The following PXDNL variants were observed in gnomAD, a reference collection of about 807,000 sequenced individuals.
PXDNL encodes peroxidasin like.
A neutral mutation model predicts 150.8 loss-of-function variants in PXDNL; 145 were observed. The observed-to-expected ratio is 0.96, with a 90% CI of 0.84 to 1.10. The LOEUF (loss-of-function observed/expected upper bound fraction) is 1.10. Among genes scored for constraint, PXDNL ranks in the 50% least tolerant of loss-of-function variants. The probability of loss-of-function intolerance (pLI) is 0.00; values close to 1 mark genes in which losing one functional copy is unlikely to be tolerated. For missense variants in PXDNL, 2,087 were observed against 1,873.9 expected (o/e 1.11, Z -2.10); for synonymous variants, 757 against 725.7 (o/e 1.04, Z -0.69).
chr8:51,640,631 G>T (rs1814727031), intron 2 of PXDNL, among the ~76,000 whole-genome samples: 2 of 152,094 alleles, frequency 1.3e-5, no homozygotes, highest in African/African-American at 4.8e-5. Context: ...AAAATACCTA[G>T]GAATCCACCT....
intron 12 of PXDNL, among the ~76,000 whole-genome samples, chr8:51,432,474 T>C (rs183093742): frequency 2.0e-5 from 3 of 152,364 alleles, no homozygotes; most frequent in African/African-American, 7.2e-5. Flanking sequence ...ATTGCATTGA[T>C]CTATAAATCA....
chr8:51,791,021 G>T (rs942951583), intron 1 of PXDNL, among the ~76,000 whole-genome samples: 1 of 151,888 alleles, frequency 6.6e-6, no homozygotes, highest in Non-Finnish European at 1.5e-5. Context: ...GCTAACATTC[G>T]AATAGTTCCT....
At chr8:51,404,115 G>A (rs1017546363) in intron 17 of PXDNL, among the ~76,000 whole-genome samples, 2 of 152,214 alleles carry the variant, frequency 1.3e-5, no homozygotes, top group African/African-American at 4.8e-5. Context: ...CCTCAGGAAT[G>A]AAGCTGCATA....
At chr8:51,506,692 T>C (rs1165073522) in intron 4 of PXDNL, among the ~76,000 whole-genome samples, 1 of 152,162 alleles carries the variant, frequency 6.6e-6, no homozygotes, top group African/African-American at 2.4e-5. Context: ...TAGCTATAAA[T>C]GTTCCATGTA....
At chr8:51,792,221 C>A (rs908430313) in intron 1 of PXDNL, among the ~76,000 whole-genome samples, 6 of 151,932 alleles carry the variant, frequency 3.9e-5, no homozygotes, top group African/African-American at 1.5e-4. Flanking sequence ...TGCACCACAA[C>A]TGAGGTATCG....
intron 12 of PXDNL, among the ~76,000 whole-genome samples, chr8:51,434,953 T>A (rs1809355275): frequency 2.0e-5 from 3 of 152,198 alleles, no homozygotes; most frequent in Non-Finnish European, 4.4e-5. Flanking sequence ...ACAATTAATA[T>A]ATCAATGTCA....
chr8:51,617,957 C>A (rs1585624671), intron 2 of PXDNL, among the ~76,000 whole-genome samples: 1 of 152,376 alleles, frequency 6.6e-6, no homozygotes, highest in East Asian at 1.9e-4. Flanking sequence ...TCTTCCGTGA[C>A]AGCCTTGCTC....
chr8:51,620,151 T>C (rs1244178319), intron 2 of PXDNL, among the ~76,000 whole-genome samples: 2 of 152,174 alleles, frequency 1.3e-5, no homozygotes, highest in Admixed American at 1.3e-4. Flanking sequence ...AAATATAGTT[T>C]TGAACAAAAT....
intron 14 of PXDNL, among the ~76,000 whole-genome samples, chr8:51,419,004 G>A (rs983085441): frequency 1.3e-5 from 2 of 152,182 alleles, no homozygotes; most frequent in African/African-American, 4.8e-5. Flanking sequence ...AAGATAAATC[G>A]TGAGGGCTCA....
At chr8:51,405,002 G>A (rs1362320800) in intron 17 of PXDNL, among the ~76,000 whole-genome samples, 2 of 152,170 alleles carry the variant, frequency 1.3e-5, no homozygotes, top group African/African-American at 2.4e-5. Context: ...GGGAGAATTC[G>A]AGCTCAGCAC....
chr8:51,662,805 A>C (rs1479545138), intron 1 of PXDNL, among the ~76,000 whole-genome samples: 2 of 152,222 alleles, frequency 1.3e-5, no homozygotes, highest in Non-Finnish European at 2.9e-5. Context: ...GAGCGCTGTC[A>C]GGCACTCATG....
chr8:51,557,834 A>G (rs970123031), intron 3 of PXDNL, among the ~76,000 whole-genome samples: 1 of 152,124 alleles, frequency 6.6e-6, no homozygotes, highest in African/African-American at 2.4e-5. Flanking sequence ...TAAAGAAGGG[A>G]CTGATTTTCT....
chr8:51,704,870 TCATTAGTCTGATGTATGTAATATATATA>T (rs1316679054), intron 1 of PXDNL, among the ~76,000 whole-genome samples: 1 of 152,192 alleles, frequency 6.6e-6, no homozygotes, highest in Non-Finnish European at 1.5e-5. Context: ...TAGATCTTAA[TCATTAGTCTGATGTATGTAATATATATA>T]CATTTTCTTT....
At chr8:51,462,416 T>C (rs561015385) in intron 8 of PXDNL, among the ~76,000 whole-genome samples, 3 of 152,144 alleles carry the variant, frequency 2.0e-5, no homozygotes, top group Admixed American at 6.5e-5. Context: ...AATGACTCAA[T>C]AGTTGAAAGA....
chr8:51,560,086 C>T (rs931406614), intron 3 of PXDNL, among the ~76,000 whole-genome samples: 2 of 151,754 alleles, frequency 1.3e-5, no homozygotes, highest in African/African-American at 2.4e-5. Flanking sequence ...TAATAAGCTA[C>T]CTAGGAATAA....
chr8:51,601,142 A>G (rs988177558), intron 2 of PXDNL, among the ~76,000 whole-genome samples: 4 of 151,618 alleles, frequency 2.6e-5, no homozygotes, highest in African/African-American at 9.7e-5. Context: ...ATGGCCAAGC[A>G]TATGGTCAAT....
intron 14 of PXDNL, among the ~76,000 whole-genome samples, chr8:51,418,149 C>T (rs1240275138): frequency 6.6e-6 from 1 of 152,062 alleles, no homozygotes; most frequent in Non-Finnish European, 1.5e-5. Context: ...TTACCTTTAA[C>T]ATAAAGCTAA....
chr8:51,397,601 TTTAATA>T (rs1477657319), intron 17 of PXDNL, among the ~76,000 whole-genome samples: 22 of 152,168 alleles, frequency 1.4e-4, no homozygotes, highest in Admixed American at 4.6e-4. Flanking sequence ...CTGTAAGTAT[TTTAATA>T]TTAATAAGTG....
chr8:51,496,031 A>G (rs1260760028), intron 5 of PXDNL, among the ~76,000 whole-genome samples: 2 of 152,364 alleles, frequency 1.3e-5, no homozygotes, highest in African/African-American at 2.4e-5. Flanking sequence ...AAAATCCTCA[A>G]TAAAATACTG....
Sources: gnomAD v4.1 joint callset for allele counts (sites outside exome capture counted in the v4.1 genomes callset) on GRCh38, gnomAD v4.1.1 for gene constraint, MANE v1.5 for transcripts, NCBI Gene and HGNC (gene_info 2026-07-23, HGNC 2026-07-21) for gene names.